The following GRID2 variants were observed in gnomAD, a reference collection of about 807,000 sequenced individuals.
The protein encoded by GRID2 is glutamate receptor ionotropic, delta-2.
Under a neutral mutation model 114.8 loss-of-function variants are expected in GRID2, and 33 were observed. The observed-to-expected ratio is 0.29, with a 90% CI of 0.22 to 0.38. GRID2 has a LOEUF of 0.38. Ranked by LOEUF, GRID2 falls within the 10% of genes least tolerant of loss-of-function variation. The pLI, the probability that GRID2 is intolerant of heterozygous loss-of-function variation, is 1.00. For missense variants in GRID2, 1,184 were observed against 1,257.7 expected, an observed-to-expected ratio of 0.94 and a Z score of 0.89; for synonymous variants, 505 against 449.9, an observed-to-expected ratio of 1.12 and a Z score of -1.55.
At chr4:92,579,181 A>G (rs1441784435) in intron 1 of GRID2, among the ~76,000 whole-genome samples, 1 of 151,972 alleles carries the variant, frequency 6.6e-6, no homozygotes, top group Non-Finnish European at 1.5e-5. Context: ...TTTTAACTTG[A>G]GCTCTGTGGT....
chr4:92,851,750 T>C (rs1743816236), intron 2 of GRID2, among the ~76,000 whole-genome samples: 1 of 151,912 alleles, frequency 6.6e-6, no homozygotes, highest in South Asian at 2.1e-4. Flanking sequence ...TCCATTATTA[T>C]AGGTCATAGG....
At chr4:93,359,544 A>AGC (rs1761676898) in intron 8 of GRID2, among the ~76,000 whole-genome samples, 1 of 151,338 alleles carries the variant, frequency 6.6e-6, no homozygotes, top group African/African-American at 2.4e-5. Flanking sequence ...TGTAGCCATT[A>AGC]ACCATCCCCA....
chr4:93,682,494 T>C (rs374388389), intron 14 of GRID2, among the ~76,000 whole-genome samples: 2 of 151,676 alleles, frequency 1.3e-5, no homozygotes, highest in Non-Finnish European at 2.9e-5. Context: ...ATGTTTATTG[T>C]GGCACTATTC....
chr4:93,509,892 C>G (rs1728999402), intron 12 of GRID2, among the ~76,000 whole-genome samples: 1 of 152,162 alleles, frequency 6.6e-6, no homozygotes. Context: ...CTTCATAGGA[C>G]AGCTCTCAGC....
intron 2 of GRID2, among the ~76,000 whole-genome samples, chr4:92,927,623 T>A (rs1318198943): frequency 1.3e-5 from 2 of 151,832 alleles, no homozygotes; most frequent in Non-Finnish European, 2.9e-5. Context: ...CTAGTGAGAA[T>A]CACTATCTAT....
intron 3 of GRID2, among the ~76,000 whole-genome samples, chr4:93,105,967 G>T (rs1014236121): frequency 6.6e-6 from 1 of 151,924 alleles, no homozygotes; most frequent in Non-Finnish European, 1.5e-5. Context: ...GAGCATTTTG[G>T]GGAGACCAAT....
intron 2 of GRID2, among the ~76,000 whole-genome samples, chr4:93,033,310 C>T (rs967612406): frequency 3.9e-5 from 6 of 152,124 alleles, no homozygotes; most frequent in African/African-American, 1.4e-4. Flanking sequence ...TTATGGTTTA[C>T]TACAGAAAAA....
intron 1 of GRID2, among the ~76,000 whole-genome samples, chr4:93,783,631 G>A (rs1312917565): frequency 6.6e-6 from 1 of 152,142 alleles, no homozygotes; most frequent in South Asian, 2.1e-4. Flanking sequence ...ATACTCTGCC[G>A]GATTAGCATC....
At chr4:92,958,122 C>A (rs1752542227) in intron 2 of GRID2, among the ~76,000 whole-genome samples, 1 of 152,020 alleles carries the variant, frequency 6.6e-6, no homozygotes, top group African/African-American at 2.4e-5. Context: ...AATTCTTCTA[C>A]ACCAGTAAGT....
intron 2 of GRID2, among the ~76,000 whole-genome samples, chr4:92,686,740 AATTT>A (rs1217350133): frequency 1.3e-5 from 2 of 152,030 alleles, no homozygotes; most frequent in African/African-American, 2.4e-5. Flanking sequence ...AAGAATTAGT[AATTT>A]ATTTAAAAAA....
intron 13 of GRID2, among the ~76,000 whole-genome samples, chr4:93,544,245 C>T (rs946380287): frequency 2.0e-5 from 3 of 151,960 alleles, no homozygotes; most frequent in Non-Finnish European, 4.4e-5. Context: ...TATGGAACTC[C>T]TTTGAGATCT....
rs997964562 is a variant in GRID2, at chr4:93,389,194, G to A, written c.1246-6413G>A. On this transcript the variant is annotated intron_variant, in intron 8 of 15. Coordinates refer to ENST00000282020, the MANE Select transcript of GRID2 (RefSeq NM_001510.4). ...ATGGAGGAGATAGGAAAGACAGTGA[G>A]AATTTAATGTGATTTTAAAATGAAC... is the stretch of plus-strand genomic sequence containing the variant. Among the ~76,000 whole-genome samples the A allele has an allele frequency of 5.3e-5, 8 of 152,212 alleles. No individual in the cohort carries two copies. In the South Asian group the frequency reaches 1.7e-3, roughly 32 times the overall value.
chr4:92,997,722 T>C (rs17262792), intron 2 of GRID2, among the ~76,000 whole-genome samples: 13,981 of 152,176 alleles, frequency 0.092, 819 homozygotes, highest in Middle Eastern at 0.13. Context: ...TATAAAATAA[T>C]GGTTTTCAAG....
intron 2 of GRID2, among the ~76,000 whole-genome samples, chr4:92,984,055 G>T (rs1003536234): frequency 1.3e-5 from 2 of 152,122 alleles, no homozygotes; most frequent in African/African-American, 4.8e-5. Context: ...ACTTCAATTT[G>T]ATCATCTGTG....
intron 2 of GRID2, among the ~76,000 whole-genome samples, chr4:92,906,739 C>T (rs1472467268): frequency 6.6e-6 from 1 of 152,136 alleles, no homozygotes; most frequent in African/African-American, 2.4e-5. Context: ...CTGCCTCAGC[C>T]ACACGAGTAG....
In GRID2 at chr4:92,940,342, T is replaced by G. The variant is rs1164568337; in HGVS notation, c.245-144653T>G. 1.4e-5 allele frequency among the ~76,000 whole-genome samples: 2 copies of G among 146,826 alleles called. 1 individual carries two copies. Among genetic ancestry groups the G allele is most frequent in the Non-Finnish European group, 3.0e-5 (2 of 66,416 alleles). On this transcript the variant is annotated intron_variant, in intron 2 of 15. Transcript: ENST00000282020. ...TCTTTGAAGCAATTGTGAATGGGAG[T>G]TCACTCATAATTTGGCTCTCTGTTT...
chr4:93,233,270 T>C (rs1458309388), intron 7 of GRID2, among the ~76,000 whole-genome samples: 2 of 152,084 alleles, frequency 1.3e-5, no homozygotes, highest in East Asian at 3.9e-4. Context: ...TAAACGATGT[T>C]GAAATTTCCA....
chr4:93,182,462 A>G (rs1369221514), intron 4 of GRID2, among the ~76,000 whole-genome samples: 1 of 152,214 alleles, frequency 6.6e-6, no homozygotes, highest in African/African-American at 2.4e-5. Flanking sequence ...ATAACTGATC[A>G]AATTAGAAGA....
intron 14 of GRID2, among the ~76,000 whole-genome samples, chr4:93,727,717 G>A (rs1355527249): frequency 1.3e-5 from 2 of 152,192 alleles, no homozygotes; most frequent in Admixed American, 1.3e-4. Flanking sequence ...AGTCTTGGGA[G>A]AGTGTATGTG....
Sources: allele counts gnomAD v4.1 joint callset (sites outside exome capture counted in the v4.1 genomes callset), GRCh38; gene constraint gnomAD v4.1.1; transcripts MANE v1.5; gene names NCBI Gene and HGNC (gene_info 2026-07-23, HGNC 2026-07-21).